PEX5L: variants seen among roughly 807,000 people sequenced by gnomAD.
The protein encoded by PEX5L is PEX5-related protein.
PEX5L carries 30 observed loss-of-function variants against 84.0 expected under a neutral mutation model. The observed-to-expected ratio is 0.36, with a 90% CI of 0.27 to 0.48. The LOEUF is 0.48. Among genes scored for constraint, PEX5L ranks in the 20% least tolerant of loss-of-function variants. PEX5L has a pLI of 0.99. For missense variants in PEX5L, 533 were observed against 754.6 expected (o/e 0.71, Z 3.44); for synonymous variants, 270 against 283.1 (o/e 0.95, Z 0.46).
chr3:180,013,581 G>T (rs1367544910), intron 1 of PEX5L, among the ~76,000 whole-genome samples: 1 of 152,008 alleles, frequency 6.6e-6, no homozygotes, highest in East Asian at 1.9e-4. Context: ...ACTATGGCTT[G>T]GAACTACAAA....
At chr3:179,906,379 T>C (rs1005712750) in intron 2 of PEX5L, among the ~76,000 whole-genome samples, 26 of 152,214 alleles carry the variant, frequency 1.7e-4, no homozygotes, top group African/African-American at 6.3e-4. Flanking sequence ...TCTAAGTTAC[T>C]AGAGATTATT....
At chr3:180,036,460 T>C (rs1791916162) in intron 1 of PEX5L, 119 bp downstream of exon 1, 1 of 951,528 alleles carries the variant, frequency 1.1e-6, no homozygotes, top group African/African-American at 1.6e-5. Context: ...ACGGTCATGT[T>C]GCATCACTTC....
intron 1 of PEX5L, among the ~76,000 whole-genome samples, chr3:179,992,884 GTC>G (rs1787511875): frequency 6.6e-6 from 1 of 151,772 alleles, no homozygotes; most frequent in Non-Finnish European, 1.5e-5. Context: ...GTATGTATGT[GTC>G]TATGTATGTA....
chr3:179,810,002 CTTTTTTTTTTT>C (rs35662193), intron 11 of PEX5L, among the ~76,000 whole-genome samples: 10 of 45,306 alleles, frequency 2.2e-4, no homozygotes, highest in African/African-American at 6.4e-4. Flanking sequence ...TTTAATGCTG[CTTTTTTTTTTT>C]TTTTTTTTTT....
chr3:179,865,157 T>C (rs1489344680), intron 7 of PEX5L, among the ~76,000 whole-genome samples: 3 of 152,198 alleles, frequency 2.0e-5, no homozygotes, highest in African/African-American at 7.2e-5. Flanking sequence ...AAACAACAAG[T>C]GCAAATAGAA....
rs78637936 is a variant in PEX5L at position 179,954,207 on chromosome 3, G to C, written c.93+17387C>G. Among the ~76,000 whole-genome samples, 462 of 102,764 alleles carry C rather than the reference G, an allele frequency of 4.5e-3. 4 individuals carry two copies. Among genetic ancestry groups the C allele is most frequent in the African/African-American group, 0.012 (398 of 32,112 alleles). The allele number at this position is 102,764 out of a possible 152,430, so 67.4% of individuals were successfully genotyped here. A position where few individuals can be genotyped will look rare whatever the true frequency, so the allele number is the denominator to read the frequency against. On this transcript the variant is annotated intron_variant, in intron 2 of 14. Transcript: ENST00000467460. ...AGCCCAGAAATTAACCATTAGTCGG[G>C]GGGGGGGGAAAAAGTCAGCCATGAG...
chr3:179,869,727 A>G (rs894173340), intron 7 of PEX5L, among the ~76,000 whole-genome samples: 3 of 152,184 alleles, frequency 2.0e-5, no homozygotes, highest in African/African-American at 7.2e-5. Context: ...AGGAAGGAAC[A>G]CTAGAGTTGA....
chr3:179,895,315 G>A (rs1025278623), intron 3 of PEX5L, among the ~76,000 whole-genome samples: 4 of 152,018 alleles, frequency 2.6e-5, no homozygotes, highest in Non-Finnish European at 5.9e-5. Flanking sequence ...GAGCAGCCAC[G>A]GTTCAGGAGC....
chr3:179,960,776 C>G (rs996318142), intron 2 of PEX5L, among the ~76,000 whole-genome samples: 16 of 152,098 alleles, frequency 1.1e-4, no homozygotes, highest in Non-Finnish European at 1.5e-5. Flanking sequence ...TTAATGAAAT[C>G]CATCAACTTA....
At chr3:179,976,540 C>T (rs1285095691) in intron 1 of PEX5L, among the ~76,000 whole-genome samples, 2 of 152,072 alleles carry the variant, frequency 1.3e-5, no homozygotes, top group African/African-American at 4.8e-5. Context: ...TGGGTTCAAG[C>T]GATTCTCCTG....
chr3:179,905,187 C>A (rs1578261008), intron 2 of PEX5L, among the ~76,000 whole-genome samples: 1 of 152,116 alleles, frequency 6.6e-6, no homozygotes, highest in East Asian at 1.9e-4. Flanking sequence ...TAAATGTAAC[C>A]CCTCCACCAG....
At chr3:180,021,460 A>G (rs1483804916) in intron 1 of PEX5L, among the ~76,000 whole-genome samples, 1 of 152,216 alleles carries the variant, frequency 6.6e-6, no homozygotes, top group Admixed American at 6.5e-5. Flanking sequence ...AGTGGGGTCC[A>G]GGAATCTACA....
chr3:180,027,037 A>G (rs1791021850), intron 1 of PEX5L, among the ~76,000 whole-genome samples: 1 of 152,186 alleles, frequency 6.6e-6, no homozygotes, highest in African/African-American at 2.4e-5. Context: ...GATTTTGGAC[A>G]CAGACAAGTA....
chr3:179,836,824 T>G (rs192964327), intron 8 of PEX5L, among the ~76,000 whole-genome samples: 1 of 152,276 alleles, frequency 6.6e-6, no homozygotes, highest in East Asian at 1.9e-4. Context: ...CCTTGAGAGA[T>G]TTTGAAAAGT....
chr3:179,858,454 C>T (rs999357872), intron 8 of PEX5L, among the ~76,000 whole-genome samples: 2 of 151,850 alleles, frequency 1.3e-5, no homozygotes, highest in African/African-American at 4.8e-5. Flanking sequence ...TCCCTTTTCT[C>T]TCTCTCTCTT....
intron 3 of PEX5L, among the ~76,000 whole-genome samples, chr3:179,889,848 C>T (rs1281721874): frequency 6.6e-6 from 1 of 152,062 alleles, no homozygotes; most frequent in Admixed American, 6.6e-5. Flanking sequence ...ATGCTATGGT[C>T]TATTTGAGTT....
At chr3:179,886,224 T>A (rs756569736) in intron 4 of PEX5L, among the ~76,000 whole-genome samples, 1 of 152,172 alleles carries the variant, frequency 6.6e-6, no homozygotes, top group Non-Finnish European at 1.5e-5. Context: ...TGTATTTTCC[T>A]GGGGTAGTTC....
intron 1 of PEX5L, 143 bp downstream of exon 1, chr3:180,036,436 C>A: frequency 1.2e-6 from 1 of 836,998 alleles, no homozygotes; most frequent in Non-Finnish European, 2.1e-6. Flanking sequence ...CCGGCAGCAC[C>A]GGACAGAAAT....
chr3:180,013,395 AC>A (rs1337166758), intron 1 of PEX5L, among the ~76,000 whole-genome samples: 1 of 152,236 alleles, frequency 6.6e-6, no homozygotes, highest in African/African-American at 2.4e-5. Flanking sequence ...ATACAAGTTT[AC>A]CATGCTTAAA....
Sources: gnomAD v4.1 joint callset for allele counts (sites outside exome capture counted in the v4.1 genomes callset) on GRCh38, gnomAD v4.1.1 for gene constraint, MANE v1.5 for transcripts, NCBI Gene and HGNC (gene_info 2026-07-23, HGNC 2026-07-21) for gene names.